Variants in EVI5 observed in about 807,000 individuals in gnomAD.
EVI5 encodes the protein ecotropic viral integration site 5 protein homolog.
EVI5 carries 73 observed loss-of-function variants against 112.0 expected under a neutral mutation model. That is an observed-to-expected ratio of 0.65 (90% CI 0.54 to 0.79). The LOEUF is 0.79. Ranked by LOEUF, EVI5 falls within the 30% of genes least tolerant of loss-of-function variation. The probability of loss-of-function intolerance (pLI) is 0.00; values close to 1 mark genes in which losing one functional copy is unlikely to be tolerated. For missense variants in EVI5, 900 were observed against 968.8 expected, an observed-to-expected ratio of 0.93 and a Z score of 0.94; for synonymous variants, 305 against 319.9, an observed-to-expected ratio of 0.95 and a Z score of 0.50.
At chr1:92,523,437 T>C (rs1401490441) in intron 19 of EVI5, among the ~76,000 whole-genome samples, 1 of 151,996 alleles carries the variant, frequency 6.6e-6, no homozygotes, top group Non-Finnish European at 1.5e-5. Flanking sequence ...AATTTATTAA[T>C]ATATTTTTTA....
intron 2 of EVI5, among the ~76,000 whole-genome samples, chr1:92,717,005 G>A (rs370799929): frequency 3.5e-4 from 52 of 147,690 alleles, no homozygotes; most frequent in African/African-American, 1.0e-3. Context: ...GAGGATGTTC[G>A]AACCCATCAC....
At chr1:92,631,129 G>C (rs1049783886) in intron 14 of EVI5, among the ~76,000 whole-genome samples, 24 of 152,022 alleles carry the variant, frequency 1.6e-4, no homozygotes, top group Non-Finnish European at 3.2e-4. Context: ...CTCCAGCTTT[G>C]TTCTTTTGGC....
chr1:92,700,064 T>C lies in EVI5; in HGVS notation c.639+2077A>G, dbSNP rs368977023. On this transcript the variant is annotated intron_variant, in intron 5 of 19. Coordinates refer to ENST00000684568, the MANE Select transcript of EVI5 (RefSeq NM_001350197.2). ...TATCACTAGGTCCTTCTCAAAAAAA[T>C]TGAAACCATGGTGACAAAATGAAAA... Among the ~76,000 whole-genome samples the C allele has an allele frequency of 3.3e-5, 5 of 152,256 alleles. No individual in the cohort carries two copies. In the South Asian group the frequency reaches 6.2e-4, roughly 19 times the overall value.
chr1:92,728,254 T>C lies in EVI5; in HGVS notation c.149+8144A>G, dbSNP rs553916777. 1.2e-4 allele frequency among the ~76,000 whole-genome samples: 18 copies of C among 152,172 alleles called. No individual in the cohort carries two copies. In the South Asian group the frequency reaches 1.4e-3, roughly 12 times the overall value. On this transcript the variant is annotated intron_variant, in intron 2 of 19. Coordinates refer to ENST00000684568, the MANE Select transcript of EVI5 (RefSeq NM_001350197.2). ...CAGAATTTAAAAAGAAATAGATAAA[T>C]CCACAATTATAATTTGAAGTTACTG...
At chr1:92,566,669 C>G (rs6684552) in intron 18 of EVI5, among the ~76,000 whole-genome samples, 1 of 152,212 alleles carries the variant, frequency 6.6e-6, no homozygotes, top group African/African-American at 2.4e-5. Context: ...AAGCATTGTT[C>G]TCATAGGAGA....
Position 92,673,330 on chromosome 1 carries a change from A to G in EVI5, c.1158+3828T>C, listed in dbSNP as rs545131422. Among the ~76,000 whole-genome samples the G allele has an allele frequency of 7.2e-5, 11 of 152,170 alleles. No individual in the cohort carries two copies. The East Asian group carries it at 2.1e-3, about 29-fold the overall frequency. On this transcript the variant is annotated intron_variant, in intron 10 of 19. Transcript: ENST00000684568. ...TACTTTTGACTAAAAACTGGCCAGA[A>G]TTTCTCATACTTCTCATTTTAGGGC...
At chr1:92,657,381 C>A (rs555564788) in intron 13 of EVI5, among the ~76,000 whole-genome samples, 1 of 152,092 alleles carries the variant, frequency 6.6e-6, no homozygotes, top group Non-Finnish European at 1.5e-5. Flanking sequence ...ACCAAACATA[C>A]GCCAGGTACG....
chr1:92,525,214 A>G (rs1234743883), intron 19 of EVI5, among the ~76,000 whole-genome samples: 1 of 148,188 alleles, frequency 6.7e-6, no homozygotes, highest in Non-Finnish European at 1.5e-5. Context: ...TGCAAGGGAC[A>G]TTTTGTTATA....
intron 2 of EVI5, among the ~76,000 whole-genome samples, chr1:92,710,747 T>C (rs55958452): frequency 0.098 from 3,859 of 39,550 alleles, 130 homozygotes; most frequent in African/African-American, 0.23. Context: ...ATAGTGAGAT[T>C]GGGGTTGGGG....
At chr1:92,790,679 C>T (rs992004944) in intron 1 of EVI5, among the ~76,000 whole-genome samples, 1 of 151,766 alleles carries the variant, frequency 6.6e-6, no homozygotes, top group Non-Finnish European at 1.5e-5. Context: ...CTTAGCAGGG[C>T]ATGGTGGCGT....
intron 19 of EVI5, among the ~76,000 whole-genome samples, chr1:92,543,325 CCT>C (rs1321435676): frequency 6.6e-6 from 1 of 152,190 alleles, no homozygotes; most frequent in Non-Finnish European, 1.5e-5. Flanking sequence ...CATGAACCAA[CCT>C]CTGTTAGCCT....
chr1:92,607,376 A>G (rs1650652768), intron 17 of EVI5: 1 of 418,188 alleles, frequency 2.4e-6, no homozygotes, highest in African/African-American at 2.1e-5. Context: ...GAAGTGACTG[A>G]AAATGTTTCT....
At chr1:92,759,225 A>C (rs1333872712) in intron 1 of EVI5, among the ~76,000 whole-genome samples, 1 of 152,226 alleles carries the variant, frequency 6.6e-6, no homozygotes, top group African/African-American at 2.4e-5. Context: ...CATCTCAAAA[A>C]GAAAAAAAAG....
chr1:92,704,484 C>G, intron 3 of EVI5, 71 bp downstream of exon 3: 1 of 996,580 alleles, frequency 1.0e-6, no homozygotes, highest in South Asian at 2.2e-5. Context: ...GTTTTTTTCC[C>G]AATCCTCTAT....
chr1:92,523,757 C>T (rs1661358615), intron 19 of EVI5, among the ~76,000 whole-genome samples: 1 of 152,044 alleles, frequency 6.6e-6, no homozygotes, highest in Non-Finnish European at 1.5e-5. Context: ...TTCTGACTTG[C>T]TAATTCTCTA....
intron 19 of EVI5, among the ~76,000 whole-genome samples, chr1:92,542,813 G>T (rs1389831174): frequency 2.0e-5 from 3 of 152,140 alleles, no homozygotes; most frequent in Admixed American, 6.5e-5. Flanking sequence ...AGAGCTCTTG[G>T]GTGACTAGTT....
intron 5 of EVI5, among the ~76,000 whole-genome samples, chr1:92,700,100 G>A (rs945831021): frequency 1.3e-5 from 2 of 152,074 alleles, no homozygotes; most frequent in Non-Finnish European, 2.9e-5. Context: ...AATGTGACAC[G>A]GAGTGGCATA....
chr1:92,515,236 G>A (rs560455269), intron 19 of EVI5, among the ~76,000 whole-genome samples: 5 of 152,240 alleles, frequency 3.3e-5, no homozygotes, highest in African/African-American at 1.2e-4. Context: ...GGGTGGGCAA[G>A]TCTGACTAAT....
At chr1:92,671,581 TC>T (rs1366937228) in intron 10 of EVI5, among the ~76,000 whole-genome samples, 3 of 152,138 alleles carry the variant, frequency 2.0e-5, no homozygotes, top group Non-Finnish European at 4.4e-5. Context: ...CCTAGGCATC[TC>T]ATTCCCAAGA....
Sources: gnomAD v4.1 joint callset for allele counts (sites outside exome capture counted in the v4.1 genomes callset) on GRCh38, gnomAD v4.1.1 for gene constraint, MANE v1.5 for transcripts, NCBI Gene and HGNC (gene_info 2026-07-23, HGNC 2026-07-21) for gene names.